The following OPCML variants were observed in gnomAD, a reference collection of about 807,000 sequenced individuals.
OPCML encodes the protein opioid binding protein/cell adhesion molecule like, also known as opioid-binding protein/cell adhesion molecule.
Under a neutral mutation model 37.8 loss-of-function variants are expected in OPCML, and 13 were observed. That is an observed-to-expected ratio of 0.34 (90% CI 0.22 to 0.55). The LOEUF is 0.55. OPCML is among the 20% of genes least tolerant of loss of function. The probability of loss-of-function intolerance (pLI) is 0.91; values close to 1 mark genes in which losing one functional copy is unlikely to be tolerated. For synonymous variants in OPCML, 176 were observed against 168.8 expected (o/e 1.04, Z -0.33); for missense variants, 341 against 435.6 (o/e 0.78, Z 1.93).
At chr11:132,583,236 A>T (rs576621480) in intron 3 of OPCML, among the ~76,000 whole-genome samples, 31 of 151,930 alleles carry the variant, frequency 2.0e-4, no homozygotes, top group African/African-American at 6.8e-4. Flanking sequence ...TAATTTTTTT[A>T]AATTACAGTT....
At chr11:132,717,664 G>A (rs12279188) in intron 2 of OPCML, among the ~76,000 whole-genome samples, 32,720 of 151,900 alleles carry the variant, frequency 0.22, 3,996 homozygotes, top group South Asian at 0.29. Context: ...TCCCTTATCC[G>A]AAACAAACAA....
At chr11:132,873,951 C>T (rs1001771555) in intron 2 of OPCML, among the ~76,000 whole-genome samples, 7 of 152,070 alleles carry the variant, frequency 4.6e-5, no homozygotes, top group Non-Finnish European at 7.4e-5. Context: ...ACCTCTCTTC[C>T]GCAGCCCTGT....
chr11:132,486,995 G>T (rs1016071085), intron 4 of OPCML, among the ~76,000 whole-genome samples: 6 of 152,128 alleles, frequency 3.9e-5, no homozygotes, highest in Admixed American at 2.6e-4. Flanking sequence ...TTATTAGTGG[G>T]TAGTTGAATA....
chr11:132,814,985 C>T (rs1939545983), intron 2 of OPCML, among the ~76,000 whole-genome samples: 1 of 152,126 alleles, frequency 6.6e-6, no homozygotes, highest in Admixed American at 6.6e-5. Flanking sequence ...CAGTAAATCA[C>T]CGTGAGGTCT....
chr11:133,109,354 G>C (rs970978418), intron 1 of OPCML, among the ~76,000 whole-genome samples: 1 of 152,132 alleles, frequency 6.6e-6, no homozygotes, highest in African/African-American at 2.4e-5. Flanking sequence ...CTGCTGGCTG[G>C]GGGTGGTCGG....
intron 2 of OPCML, among the ~76,000 whole-genome samples, chr11:132,927,392 T>C (rs1181136904): frequency 6.6e-6 from 1 of 152,164 alleles, no homozygotes; most frequent in Non-Finnish European, 1.5e-5. Flanking sequence ...CGGTGGATTT[T>C]ATACTTAATG....
chr11:132,445,340 G>C (rs548354151), intron 4 of OPCML, among the ~76,000 whole-genome samples: 1 of 152,152 alleles, frequency 6.6e-6, no homozygotes, highest in Non-Finnish European at 1.5e-5. Flanking sequence ...CTGTCAGACC[G>C]GGAGTAGCCG....
chr11:133,091,440 C>T (rs957261334), intron 1 of OPCML, among the ~76,000 whole-genome samples: 7 of 152,184 alleles, frequency 4.6e-5, no homozygotes, highest in African/African-American at 9.7e-5. Context: ...CACAGTCACG[C>T]ACCTCTTCAA....
intron 2 of OPCML, among the ~76,000 whole-genome samples, chr11:132,671,280 G>A (rs1942466729): frequency 6.6e-6 from 1 of 152,022 alleles, no homozygotes; most frequent in African/African-American, 2.4e-5. Flanking sequence ...CCAGAATAGT[G>A]GCTTATTTTA....
intron 1 of OPCML, chr11:133,420,231 T>G: frequency 5.1e-6 from 5 of 985,256 alleles, no homozygotes; most frequent in African/African-American, 3.5e-5. Flanking sequence ...AGTTAAAACT[T>G]TACCAGCACA....
intron 1 of OPCML, among the ~76,000 whole-genome samples, chr11:133,180,017 T>A (rs532931779): frequency 6.6e-6 from 1 of 152,302 alleles, no homozygotes; most frequent in Non-Finnish European, 1.5e-5. Flanking sequence ...AAGGCAACCA[T>A]GGGCCTTAAA....
rs1255603307 is a variant in OPCML, at chr11:132,554,883, T to TTTTTTTTTTTTTTTTTTTTTTTTC, written c.380-25698_380-25697insGAAAAAAAAAAAAAAAAAAAAAAA. Among the ~76,000 whole-genome samples, 33 of 125,740 alleles carry TTTTTTTTTTTTTTTTTTTTTTTTC rather than the reference T, an allele frequency of 2.6e-4. 1 individual carries two copies. The highest frequency in any genetic ancestry group is 1.1e-3 in the East Asian group (3 of 2,848). The allele number at this position is 125,740 out of a possible 152,430, so 82.5% of individuals were successfully genotyped here. A position where few individuals can be genotyped will look rare whatever the true frequency, so the allele number is the denominator to read the frequency against. On this transcript the variant is annotated intron_variant, in intron 3 of 7. Coordinates refer to ENST00000524381, the MANE Select transcript of OPCML (RefSeq NM_001012393.5). ...GTAAAGTTTTTTTTTTTTTTTTTTT[T>TTTTTTTTTTTTTTTTTTTTTTTTC]TTTTTTTTCATTAGCTCTATGGTTA...
intron 4 of OPCML, among the ~76,000 whole-genome samples, chr11:132,492,052 C>A (rs2096217863): frequency 6.6e-6 from 1 of 150,746 alleles, no homozygotes; most frequent in African/African-American, 2.4e-5. Context: ...AAGGTCACAA[C>A]CAGAGAAGGA....
chr11:133,219,532 A>G (rs1450391494), intron 1 of OPCML, among the ~76,000 whole-genome samples: 1 of 152,232 alleles, frequency 6.6e-6, no homozygotes, highest in Non-Finnish European at 1.5e-5. Context: ...CATGGATAAG[A>G]ATCATCCGGA....
intron 1 of OPCML, among the ~76,000 whole-genome samples, chr11:133,120,240 A>G (rs1018165993): frequency 6.6e-6 from 1 of 151,972 alleles, no homozygotes; most frequent in African/African-American, 2.4e-5. Flanking sequence ...ACACACATAC[A>G]CACACGCACA....
intron 1 of OPCML, among the ~76,000 whole-genome samples, chr11:133,330,260 A>C (rs567191457): frequency 1.3e-5 from 2 of 152,104 alleles, no homozygotes; most frequent in African/African-American, 2.4e-5. Flanking sequence ...AGTTCAACCA[A>C]TGTGGAAGTC....
chr11:132,790,087 C>T (rs1294266975), intron 2 of OPCML, among the ~76,000 whole-genome samples: 1 of 152,196 alleles, frequency 6.6e-6, no homozygotes, highest in Non-Finnish European at 1.5e-5. Context: ...AATCCCATTA[C>T]TGGATATTTA....
chr11:132,467,283 A>G (rs895334689), intron 4 of OPCML, among the ~76,000 whole-genome samples: 1 of 152,228 alleles, frequency 6.6e-6, no homozygotes, highest in African/African-American at 2.4e-5. Context: ...GGGATTACAA[A>G]GGAAAGCAAG....
At chr11:133,242,183 C>T (rs1027149358) in intron 1 of OPCML, among the ~76,000 whole-genome samples, 2 of 152,186 alleles carry the variant, frequency 1.3e-5, no homozygotes, top group Non-Finnish European at 2.9e-5. Context: ...TCCCTTCACA[C>T]ACATTTTGTA....
Sources: allele counts gnomAD v4.1 joint callset (sites outside exome capture counted in the v4.1 genomes callset), GRCh38; gene constraint gnomAD v4.1.1; transcripts MANE v1.5; gene names NCBI Gene and HGNC (gene_info 2026-07-23, HGNC 2026-07-21).